The following RGS3 variants were observed in gnomAD, a reference collection of about 807,000 sequenced individuals.
RGS3 encodes the protein regulator of G-protein signalling 3.
Under a neutral mutation model 132.6 loss-of-function variants are expected in RGS3, and 80 were observed. That is an observed-to-expected ratio of 0.60 (90% CI 0.50 to 0.73). The LOEUF (loss-of-function observed/expected upper bound fraction) is 0.73. Ranked by LOEUF, RGS3 falls within the 30% of genes least tolerant of loss-of-function variation. RGS3 has a pLI of 0.00. For synonymous variants in RGS3, 598 were observed against 620.6 expected (o/e 0.96, Z 0.54); for missense variants, 1,382 against 1,530.8 (o/e 0.90, Z 1.62).
intron 19 of RGS3, among the ~76,000 whole-genome samples, chr9:113,553,441 T>TAC (rs1833422768): frequency 4.9e-5 from 1 of 20,406 alleles, no homozygotes; most frequent in Non-Finnish European, 8.3e-5. Flanking sequence ...AAACTCTGTT[T>TAC]AAAAAAAAAA....
At chr9:113,554,248 G>A (rs1355751467) in intron 19 of RGS3, among the ~76,000 whole-genome samples, 1 of 152,202 alleles carries the variant, frequency 6.6e-6, no homozygotes, top group African/African-American at 2.4e-5. Context: ...GGTACAAGAA[G>A]TGAAAAATTA....
intron 19 of RGS3, among the ~76,000 whole-genome samples, chr9:113,557,969 G>C (rs1287812573): frequency 2.0e-5 from 3 of 152,168 alleles, no homozygotes; most frequent in Middle Eastern, 3.2e-3. Flanking sequence ...GGGGTTGATG[G>C]GTGTTGTAGA....
At chr9:113,580,942 C>T (rs959418642) in intron 19 of RGS3, 96 of 980,490 alleles carry the variant, frequency 9.8e-5, no homozygotes, top group South Asian at 1.4e-4. Flanking sequence ...TGTGCCACTC[C>T]GTGCCAGGCC....
intron 14 of RGS3, among the ~76,000 whole-genome samples, chr9:113,513,502 A>G (rs1831498885): frequency 1.3e-5 from 2 of 152,206 alleles, no homozygotes; most frequent in Non-Finnish European, 2.9e-5. Context: ...AGAAATCACA[A>G]CAACGAAACA....
chr9:113,451,401 C>T, intron 1 of RGS3, among the ~76,000 whole-genome samples: 1 of 152,182 alleles, frequency 6.6e-6, no homozygotes. Flanking sequence ...GCTATGTCCA[C>T]TGGAAGGGCA....
At chr9:113,483,013 G>A (rs780717487) in intron 4 of RGS3, 46 bp from the exon 3 acceptor site, 7 of 1,613,582 alleles carry the variant, frequency 4.3e-6, no homozygotes, top group Non-Finnish European at 5.9e-6. Flanking sequence ...CTGTGTGTGT[G>A]TGTATGTTTC....
chr9:113,563,375 T>A (rs531061578), intron 19 of RGS3, among the ~76,000 whole-genome samples: 1 of 152,274 alleles, frequency 6.6e-6, no homozygotes, highest in South Asian at 2.1e-4. Context: ...TGTAACTGTT[T>A]GTTGATTGAA....
exon 1 of RGS3, chr9:113,460,300 C>T (rs1228135391): frequency 2.2e-5 from 11 of 506,366 alleles, no homozygotes; most frequent in East Asian, 1.2e-4. Flanking sequence ...ATGGGCAGAT[C>T]GCAAGGTCAG....
chr9:113,584,169 C>T lies in RGS3; in HGVS notation c.2757C>T (p.Ile919=), dbSNP rs376017462. Residue 919 remains isoleucine (I), a synonymous_variant, in exon 20 of 25, where the codon ATC becomes ATT. Transcript: ENST00000350696. Reference sequence around the variant, plus strand: ...GTGAGGCCAAGCGCAGCAGCATGATCGAGACGGGCCAGGGGGCTGAGGGTG... The same window carrying T: ...GTGAGGCCAAGCGCAGCAGCATGATTGAGACGGGCCAGGGGGCTGAGGGTG... 3.0e-4 allele frequency: 478 copies of T among 1,614,244 alleles called. 9 individuals carry two copies. In the South Asian group the frequency reaches 4.3e-3, roughly 14 times the overall value.
chr9:113,456,888 C>T (rs568485308), upstream of RGS3, among the ~76,000 whole-genome samples: 5 of 152,272 alleles, frequency 3.3e-5, no homozygotes, highest in South Asian at 4.1e-4. Context: ...GCAACCTCTG[C>T]CTCCGGGTTC....
At chr9:113,477,682 C>T (rs1391689172) in intron 3 of RGS3, among the ~76,000 whole-genome samples, 2 of 152,116 alleles carry the variant, frequency 1.3e-5, no homozygotes, top group Non-Finnish European at 2.9e-5. Flanking sequence ...GAACTAGATC[C>T]GGGCAATGAA....
intron 2 of RGS3, chr9:113,461,874 C>T (rs757817485): frequency 1.2e-6 from 2 of 1,609,806 alleles, no homozygotes; most frequent in East Asian, 4.5e-5. Flanking sequence ...ACTATCATCT[C>T]AGGCACATCA....
intron 7 of RGS3, among the ~76,000 whole-genome samples, chr9:113,491,312 C>T (rs926479394): frequency 1.1e-4 from 16 of 150,812 alleles, no homozygotes; most frequent in African/African-American, 3.9e-4. Flanking sequence ...CACTCTTGTG[C>T]ATAATCTCAG....
chr9:113,594,853 C>T lies in RGS3; in HGVS notation c.3183-66C>T, dbSNP rs148302556. On this transcript the variant is annotated intron_variant, in intron 22 of 24. Transcript: ENST00000350696. ...AGGGCAGTAAACAAAGGCCGCCTGG[C>T]CCAGCTTCCCCCAAGGTTCCCAAGC... 4.0e-6 allele frequency: 6 copies of T among 1,508,408 alleles called. No homozygotes were observed. In the South Asian group the frequency reaches 5.7e-5, roughly 14 times the overall value. The allele number at this position is 1,508,408 out of a possible 1,614,324, so 93.4% of individuals were successfully genotyped here. A position where few individuals can be genotyped will look rare whatever the true frequency, so the allele number is the denominator to read the frequency against.
In RGS3 at chr9:113,447,323, G is replaced by GTATATGTATATATGTA. The variant is rs1174925164; in HGVS notation, c.-13+2409_-13+2410insGTATATATGTATATAT. Among the ~76,000 whole-genome samples the GTATATGTATATATGTA allele has an allele frequency of 1.0e-4, 3 of 29,412 alleles. 1 individual carries two copies. Among genetic ancestry groups the GTATATGTATATATGTA allele is most frequent in the Non-Finnish European group, 2.0e-4 (3 of 14,708 alleles). The allele number at this position is 29,412 out of a possible 152,430, so 19.3% of individuals were successfully genotyped here. ...TGTAAACCAATAAATTCTGATGTATGTATATGTATATATATATATATATAT... is the reference window on the plus strand; with the variant it reads ...TGTAAACCAATAAATTCTGATGTATGTATATGTATATATGTATATATGTATATATATATATATATAT... On this transcript the variant is annotated intron_variant, in intron 1 of 25. Coordinates refer to the RGS3 transcript ENST00000374140.
At chr9:113,538,127 G>A (rs1384574642) in intron 19 of RGS3, among the ~76,000 whole-genome samples, 2 of 152,208 alleles carry the variant, frequency 1.3e-5, no homozygotes, top group Non-Finnish European at 2.9e-5. Flanking sequence ...TTCCCTCAAA[G>A]GGTTGTTGTG....
intron 18 of RGS3, among the ~76,000 whole-genome samples, chr9:113,531,901 A>G (rs977731953): frequency 9.2e-5 from 14 of 152,222 alleles, no homozygotes; most frequent in African/African-American, 3.4e-4. Flanking sequence ...AACCAACTTA[A>G]TTTATGGCTG....
intron 3 of RGS3, among the ~76,000 whole-genome samples, chr9:113,470,337 G>A (rs7848203): frequency 0.12 from 17,986 of 152,118 alleles, 1,267 homozygotes; most frequent in African/African-American, 0.19. Context: ...CAGTTCCTAA[G>A]AGAGGTGTAT....
At chr9:113,595,884 A>G (rs1193335526) in intron 24 of RGS3, 119 bp downstream of exon 22, 2 of 1,098,440 alleles carry the variant, frequency 1.8e-6, no homozygotes, top group Admixed American at 2.3e-5. Flanking sequence ...CCATGAGCCC[A>G]GGTACCCAGC....
Sources: allele counts gnomAD v4.1 joint callset (sites outside exome capture counted in the v4.1 genomes callset), GRCh38; gene constraint gnomAD v4.1.1; transcripts MANE v1.5; gene names NCBI Gene and HGNC (gene_info 2026-07-23, HGNC 2026-07-21).